The following YPEL2 variants were observed in gnomAD, a reference collection of about 807,000 sequenced individuals.
YPEL2 encodes the protein yippee like 2.
In YPEL2, 2 loss-of-function variants were observed where a neutral mutation model predicts 19.1. That is an observed-to-expected ratio of 0.10 (90% CI 0.04 to 0.33). The LOEUF (loss-of-function observed/expected upper bound fraction) is 0.33. Ranked by LOEUF, YPEL2 falls within the 10% of genes least tolerant of loss-of-function variation. The probability of loss-of-function intolerance (pLI) is 1.00; values close to 1 mark genes in which losing one functional copy is unlikely to be tolerated. For missense variants in YPEL2, 66 were observed against 140.7 expected (o/e 0.47, Z 2.68); for synonymous variants, 52 against 50.0 (o/e 1.04, Z -0.17).
intron 4 of YPEL2, among the ~76,000 whole-genome samples, chr17:59,396,703 C>T (rs1176005335): frequency 6.6e-6 from 1 of 152,174 alleles, no homozygotes; most frequent in Non-Finnish European, 1.5e-5. Flanking sequence ...ACGCTGATAC[C>T]TGTCATCTGC....
Position 59,352,161 on chromosome 17 carries a change from T to G in YPEL2, c.-195-1054T>G, listed in dbSNP as rs2147939708. On this transcript the variant is annotated intron_variant, in intron 1 of 4. Transcript: ENST00000312655. ...TCCCTAAATAATTTTTAATTTTATC[T>G]TCAAAGCATGACGCAGGTGTTAATT... Among the ~76,000 whole-genome samples, 3 of 152,362 alleles carry G rather than the reference T, an allele frequency of 2.0e-5. No individual in the cohort carries two copies. The South Asian group carries it at 6.2e-4, about 32-fold the overall frequency.
chr17:59,332,985 A>G (rs1469131792), intron 1 of YPEL2, among the ~76,000 whole-genome samples: 1 of 152,216 alleles, frequency 6.6e-6, no homozygotes. Context: ...GCATTGGGCA[A>G]GAAGGGTAGC....
In YPEL2 at chr17:59,337,486, G is replaced by A. The variant is rs539340828; in HGVS notation, c.-196+5662G>A. 5.3e-5 allele frequency among the ~76,000 whole-genome samples: 8 copies of A among 152,286 alleles called. 1 individual carries two copies. The highest frequency in any genetic ancestry group is 1.9e-4 in the African/African-American group (8 of 41,576). On this transcript the variant is annotated intron_variant, in intron 1 of 4. Coordinates refer to ENST00000312655, the MANE Select transcript of YPEL2 (RefSeq NM_001005404.4). Reference sequence around the variant, plus strand: ...TTACAAGCGTGAGCCACCGCGCCCGGCCGGGAGAAATTCTTTTAGAACCTA... The same window carrying A: ...TTACAAGCGTGAGCCACCGCGCCCGACCGGGAGAAATTCTTTTAGAACCTA...
intron 4 of YPEL2, among the ~76,000 whole-genome samples, chr17:59,390,624 G>A (rs1477065076): frequency 6.6e-6 from 1 of 152,312 alleles, no homozygotes; most frequent in East Asian, 1.9e-4. Flanking sequence ...GTTTAACTCA[G>A]CAAAAAATGT....
chr17:59,399,159 CA>C lies in YPEL2; in HGVS notation c.*1971del, dbSNP rs1960204610. The C allele has an allele frequency of 6.6e-6, 1 of 152,582 alleles. No individual in the cohort carries two copies. The highest frequency in any genetic ancestry group is 1.5e-5 in the Non-Finnish European group (1 of 68,042). 9.5% of individuals were successfully genotyped at this position (152,582 alleles called of 1,614,324 possible). A position where few individuals can be genotyped will look rare whatever the true frequency, so the allele number is the denominator to read the frequency against. The stretch of plus-strand genomic sequence containing the variant: ...GAATAGTTTCTCTGGCTCACAGGCC[CA>C]AGTTCTCAATGAAATCGTTTTTTAA... On this transcript the variant is annotated 3_prime_UTR_variant, in exon 5 of 5. Transcript: ENST00000312655.
At chr17:59,371,141 C>T (rs1375272353) in intron 2 of YPEL2, among the ~76,000 whole-genome samples, 4 of 152,184 alleles carry the variant, frequency 2.6e-5, no homozygotes, top group African/African-American at 9.7e-5. Flanking sequence ...CCCAAATACC[C>T]AGTCTCCTGT....
chr17:59,391,927 G>A (rs2048009595), intron 4 of YPEL2, among the ~76,000 whole-genome samples: 1 of 150,642 alleles, frequency 6.6e-6, no homozygotes, highest in African/African-American at 2.4e-5. Context: ...AAAAAACCTA[G>A]ATAGTGTGTT....
intron 2 of YPEL2, among the ~76,000 whole-genome samples, chr17:59,383,617 T>C (rs1473442760): frequency 1.4e-3 from 39 of 28,474 alleles, no homozygotes; most frequent in Admixed American, 2.0e-3. Flanking sequence ...AAAATATATA[T>C]ATATATATAT....
At chr17:59,351,283 G>A (rs2047786161) in intron 1 of YPEL2, among the ~76,000 whole-genome samples, 1 of 152,164 alleles carries the variant, frequency 6.6e-6, no homozygotes, top group African/African-American at 2.4e-5. Flanking sequence ...GCTAAGGCAG[G>A]AGGATTGCTT....
chr17:59,341,212 G>A (rs1426300821), intron 1 of YPEL2, among the ~76,000 whole-genome samples: 1 of 151,464 alleles, frequency 6.6e-6, no homozygotes, highest in Non-Finnish European at 1.5e-5. Flanking sequence ...CTAACAAGGT[G>A]AAATCCCATC....
intron 1 of YPEL2, among the ~76,000 whole-genome samples, chr17:59,349,173 CAAAAAAAAAAA>C (rs57129006): frequency 1.7e-5 from 1 of 57,512 alleles, no homozygotes; most frequent in South Asian, 6.3e-4. Flanking sequence ...GACTCCGTCT[CAAAAAAAAAAA>C]AAAAAAAAAA....
At chr17:59,359,457 T>C (rs1298464238) in intron 2 of YPEL2, among the ~76,000 whole-genome samples, 2 of 152,058 alleles carry the variant, frequency 1.3e-5, no homozygotes, top group Non-Finnish European at 2.9e-5. Flanking sequence ...ATAAAGGATA[T>C]GTACAATATT....
At chr17:59,337,322 G>A (rs1200652922) in intron 1 of YPEL2, among the ~76,000 whole-genome samples, 1 of 151,536 alleles carries the variant, frequency 6.6e-6, no homozygotes, top group Non-Finnish European at 1.5e-5. Flanking sequence ...CGAGTAGCTG[G>A]GACTACAGGC....
intron 2 of YPEL2, among the ~76,000 whole-genome samples, chr17:59,370,335 T>A (rs1322301396): frequency 4.6e-5 from 7 of 152,178 alleles, no homozygotes; most frequent in Admixed American, 3.9e-4. Flanking sequence ...AGTGCTGGGA[T>A]TACAGGTGGG....
intron 2 of YPEL2, among the ~76,000 whole-genome samples, chr17:59,364,994 G>T (rs1203861379): frequency 6.6e-6 from 1 of 152,194 alleles, no homozygotes; most frequent in Non-Finnish European, 1.5e-5. Flanking sequence ...ATACCTGATA[G>T]GATTTTTGTG....
chr17:59,392,300 A>G (rs1241340323), intron 4 of YPEL2, among the ~76,000 whole-genome samples: 1 of 152,186 alleles, frequency 6.6e-6, no homozygotes, highest in African/African-American at 2.4e-5. Flanking sequence ...AGGTTTATCA[A>G]AAGCCTTTGA....
At chr17:59,388,525 T>G (rs1365346459) in intron 3 of YPEL2, among the ~76,000 whole-genome samples, 155 bp downstream of exon 3, 2 of 152,148 alleles carry the variant, frequency 1.3e-5, no homozygotes, top group Admixed American at 1.3e-4. Context: ...TCAGTTACCT[T>G]TGGGGAACAT....
chr17:59,374,007 A>G (rs1055859867), intron 2 of YPEL2, among the ~76,000 whole-genome samples: 22 of 152,258 alleles, frequency 1.4e-4, no homozygotes, highest in African/African-American at 5.1e-4. Flanking sequence ...TTCATTTAAT[A>G]TGCGAGGCAT....
At chr17:59,360,225 C>A (rs993507642) in intron 2 of YPEL2, among the ~76,000 whole-genome samples, 2 of 152,214 alleles carry the variant, frequency 1.3e-5, no homozygotes, top group Non-Finnish European at 2.9e-5. Context: ...TACAGGCACC[C>A]GCCACCACGC....
Sources: allele counts gnomAD v4.1 joint callset (sites outside exome capture counted in the v4.1 genomes callset), GRCh38; gene constraint gnomAD v4.1.1; transcripts MANE v1.5; gene names NCBI Gene and HGNC (gene_info 2026-07-23, HGNC 2026-07-21).